Variants in PKD1L1 observed in about 807,000 individuals in gnomAD.
PKD1L1 encodes the protein polycystin-1-like protein 1.
In PKD1L1, 236 loss-of-function variants were observed where a neutral mutation model predicts 323.4. The observed-to-expected ratio is 0.73, with a 90% CI of 0.66 to 0.81. PKD1L1 has a LOEUF of 0.81. PKD1L1 is among the 40% of genes least tolerant of loss of function. The probability of loss-of-function intolerance (pLI) is 0.00; values close to 1 mark genes in which losing one functional copy is unlikely to be tolerated. For synonymous variants in PKD1L1, 1,344 were observed against 1,335.0 expected (o/e 1.01, Z -0.15); for missense variants, 3,320 against 3,508.0 (o/e 0.95, Z 1.35).
chr7:47,870,261 T>G (rs1234890536), intron 24 of PKD1L1, among the ~76,000 whole-genome samples: 1 of 150,698 alleles, frequency 6.6e-6, no homozygotes, highest in Non-Finnish European at 1.5e-5. Flanking sequence ...TAGAAATGAA[T>G]GAAATAGAGA....
chr7:47,937,263 G>A (rs1343471362), intron 3 of PKD1L1, among the ~76,000 whole-genome samples: 3 of 136,708 alleles, frequency 2.2e-5, no homozygotes, highest in Non-Finnish European at 4.8e-5. Flanking sequence ...TGGGGGTGGG[G>A]GGGGGGGGCG....
chr7:47,923,978 A>G (rs1194410899), intron 7 of PKD1L1, among the ~76,000 whole-genome samples: 2 of 152,148 alleles, frequency 1.3e-5, no homozygotes, highest in Non-Finnish European at 2.9e-5. Context: ...AGAGAGGAAA[A>G]GATGAAAACT....
At chr7:47,805,901 A>T (rs1450343382) in intron 52 of PKD1L1, among the ~76,000 whole-genome samples, 1 of 152,186 alleles carries the variant, frequency 6.6e-6, no homozygotes, top group East Asian at 1.9e-4. Context: ...ATTATATAGA[A>T]TTTATGCAGT....
rs544839852 is a variant in PKD1L1, at chr7:47,826,046, C to T, written c.6854+1304G>A. On this transcript the variant is annotated intron_variant, in intron 45 of 56. Transcript: ENST00000289672. ...GAGGGCTGAGCTGGCCCAGCAGCTC[C>T]AGACCTCCAGACCTTGCACTCACCT... 6.6e-5 allele frequency among the ~76,000 whole-genome samples: 10 copies of T among 152,240 alleles called. No homozygotes were observed. The South Asian group carries it at 2.1e-3, about 32-fold the overall frequency.
rs1032807561 is a variant in PKD1L1, at chr7:47,840,386, G to A, written c.5552+75C>T. ...CCAATGTTATGTATTCTACTGTTTTGTATTTGTGATAAGGTTACACCAATT... is the reference window on the plus strand; with the variant it reads ...CCAATGTTATGTATTCTACTGTTTTATATTTGTGATAAGGTTACACCAATT... On this transcript the variant is annotated intron_variant, in intron 35 of 56. Transcript: ENST00000289672. The surrounding 1 kb of genome is among the most constrained non-coding windows in gnomAD (Gnocchi z 4.1). The A allele has an allele frequency of 1.4e-5, 15 of 1,035,094 alleles. No individual in the cohort carries two copies. Among genetic ancestry groups the A allele is most frequent in the Non-Finnish European group, 2.1e-5 (14 of 667,836 alleles). The allele number at this position is 1,035,094 out of a possible 1,614,324, so 64.1% of individuals were successfully genotyped here.
intron 24 of PKD1L1, 75 bp downstream of exon 24, chr7:47,873,824 C>CA (rs2128745151): frequency 8.7e-7 from 1 of 1,146,566 alleles, no homozygotes; most frequent in Non-Finnish European, 1.3e-6. Context: ...CGCTTGTTAA[C>CA]AACTTGGGGG....
intron 31 of PKD1L1, among the ~76,000 whole-genome samples, chr7:47,849,436 T>C (rs1226367002): frequency 2.0e-5 from 3 of 152,152 alleles, no homozygotes; most frequent in Admixed American, 1.3e-4. Context: ...AGAAAAAATT[T>C]GCAAACTATG....
intron 22 of PKD1L1, 69 bp from the exon 23 acceptor site, chr7:47,876,286 C>G: frequency 6.5e-7 from 1 of 1,535,818 alleles, no homozygotes; most frequent in African/African-American, 1.4e-5. Context: ...ACAATACATA[C>G]ACACACAGCT....
intron 12 of PKD1L1, among the ~76,000 whole-genome samples, chr7:47,903,162 C>T (rs1787128544): frequency 6.6e-6 from 1 of 152,158 alleles, no homozygotes; most frequent in Non-Finnish European, 1.5e-5. Context: ...ACATGGATAA[C>T]TACTTAAGAC....
chr7:47,857,165 C>A (rs891277563), intron 28 of PKD1L1, among the ~76,000 whole-genome samples: 2 of 152,224 alleles, frequency 1.3e-5, no homozygotes, highest in Admixed American at 6.5e-5. Context: ...GGGGGGTAAG[C>A]ACTGCCATGT....
intron 33 of PKD1L1, 30 bp from the exon 34 acceptor site, chr7:47,843,199 A>T (rs781578589): frequency 6.5e-7 from 1 of 1,545,156 alleles, no homozygotes; most frequent in Non-Finnish European, 8.8e-7. Flanking sequence ...TATAAAGAAA[A>T]TTGCTCATGA....
intron 4 of PKD1L1, among the ~76,000 whole-genome samples, chr7:47,934,937 G>A (rs1787839323): frequency 6.6e-6 from 1 of 152,148 alleles, no homozygotes; most frequent in African/African-American, 2.4e-5. Flanking sequence ...ACCAGTGAGG[G>A]CCCAAGACAG....
intron 7 of PKD1L1, among the ~76,000 whole-genome samples, chr7:47,927,401 C>T (rs1787675559): frequency 6.6e-6 from 1 of 152,054 alleles, no homozygotes; most frequent in Admixed American, 6.6e-5. Flanking sequence ...GCCCCAGCCT[C>T]CTAAGTAGGG....
Position 47,826,167 on chromosome 7 carries a change from A to G in PKD1L1, c.6854+1183T>C, listed in dbSNP as rs990829213. On this transcript the variant is annotated intron_variant, in intron 45 of 56. Transcript: ENST00000289672. Reference sequence around the variant, plus strand: ...TTGGAGTTCTATTCTCAGATACATCAGGTACCCCATCCTTCCCGCCACCAT... The same window carrying G: ...TTGGAGTTCTATTCTCAGATACATCGGGTACCCCATCCTTCCCGCCACCAT... Among the ~76,000 whole-genome samples the G allele has an allele frequency of 6.6e-5, 10 of 152,256 alleles. 1 individual carries two copies. The highest frequency in any genetic ancestry group is 1.3e-4 in the Non-Finnish European group (9 of 68,020).
At chr7:47,858,080 C>G (rs1258803972) in intron 27 of PKD1L1, among the ~76,000 whole-genome samples, 1 of 152,032 alleles carries the variant, frequency 6.6e-6, no homozygotes, top group African/African-American at 2.4e-5. Flanking sequence ...GCTAATTTCC[C>G]AAATGTTACA....
chr7:47,795,169 T>C (rs1165380130), intron 55 of PKD1L1: 3 of 302,256 alleles, frequency 9.9e-6, no homozygotes, highest in African/African-American at 2.3e-5. Flanking sequence ...AGCAGAATGA[T>C]ATTGTTTGGC....
At position 47,898,059 on chromosome 7, in the gene PKD1L1, C is replaced by T. The variant is rs531866650; in HGVS notation, c.2200G>A (p.Asp734Asn). The T allele has an allele frequency of 9.5e-5, 153 of 1,613,774 alleles. 4 individuals carry two copies. In the South Asian group the frequency reaches 1.6e-3, roughly 17 times the overall value. The change falls in exon 14 of 57, where the codon GAC becomes AAC. Residue 734 changes from aspartate to asparagine, a missense_variant. Coordinates refer to ENST00000289672, the MANE Select transcript of PKD1L1 (RefSeq NM_138295.5). Reference sequence around the variant, plus strand: ...AGGATGAGGGTCTGTCTGTGAGTGTCCACAGCAGCAGGGAGGGAGACAGGG... The same window carrying T: ...AGGATGAGGGTCTGTCTGTGAGTGTTCACAGCAGCAGGGAGGGAGACAGGG... ...GLPVSLPAAV[D>N]THRQTLILPS...
At chr7:47,820,481 T>G (rs1785116052) in intron 46 of PKD1L1, among the ~76,000 whole-genome samples, 1 of 152,094 alleles carries the variant, frequency 6.6e-6, no homozygotes, top group African/African-American at 2.4e-5. Context: ...TCCCAGCACT[T>G]TGGGAGGCCG....
At chr7:47,818,212 C>A in intron 46 of PKD1L1, 1 of 1,352,328 alleles carries the variant, frequency 7.4e-7, no homozygotes, top group South Asian at 1.2e-5. Flanking sequence ...AGATACATCT[C>A]TGCAAATATT....
Sources: allele counts gnomAD v4.1 joint callset (sites outside exome capture counted in the v4.1 genomes callset), GRCh38; gene constraint gnomAD v4.1.1; non-coding constraint Gnocchi (gnomAD v3.1); transcripts MANE v1.5; gene names NCBI Gene and HGNC (gene_info 2026-07-23, HGNC 2026-07-21).